TMEM38B: variants seen among roughly 807,000 people sequenced by gnomAD.
TMEM38B encodes the protein trimeric intracellular cation channel type B.
TMEM38B carries 24 observed loss-of-function variants against 28.7 expected under a neutral mutation model. That is an observed-to-expected ratio of 0.84 (90% CI 0.61 to 1.18). The LOEUF (loss-of-function observed/expected upper bound fraction) is 1.18, where lower values mean the gene tolerates loss of function less well. Ranked by LOEUF, TMEM38B falls within the 50% of genes most tolerant of loss-of-function variation. TMEM38B has a pLI of 0.00. For missense variants in TMEM38B, 380 were observed against 350.9 expected (o/e 1.08, Z -0.66); for synonymous variants, 131 against 127.7 (o/e 1.03, Z -0.17).
At chr9:105,710,378 A>G in intron 2 of TMEM38B, 2 of 814,006 alleles carry the variant, frequency 2.5e-6, no homozygotes, top group South Asian at 1.6e-5. Context: ...GTTGTTATGA[A>G]AAGACTGACT....
intron 4 of TMEM38B, among the ~76,000 whole-genome samples, chr9:105,727,948 T>C (rs1836578576): frequency 6.6e-6 from 1 of 152,190 alleles, no homozygotes; most frequent in Admixed American, 6.5e-5. Flanking sequence ...CCTCCCTTTT[T>C]GCCTTCTGCC....
intron 4 of TMEM38B, among the ~76,000 whole-genome samples, chr9:105,734,073 T>G (rs1418018693): frequency 2.0e-5 from 3 of 152,120 alleles, no homozygotes; most frequent in Non-Finnish European, 4.4e-5. Context: ...AATGTAGTTA[T>G]TTATTGCTAT....
chr9:105,739,887 C>CT (rs549791682), intron 4 of TMEM38B, among the ~76,000 whole-genome samples: 4,502 of 150,946 alleles, frequency 0.03, 95 homozygotes, highest in Middle Eastern at 0.063. Flanking sequence ...TCTTTTTAAA[C>CT]TTTTTTTTTG....
intron 1 of TMEM38B, among the ~76,000 whole-genome samples, chr9:105,698,062 C>T (rs986348686): frequency 1.4e-5 from 2 of 144,160 alleles, no homozygotes; most frequent in South Asian, 2.3e-4. Flanking sequence ...GATCATCCCA[C>T]GTGCATAGAC....
chr9:105,702,963 G>A (rs1189643709), intron 1 of TMEM38B: 2 of 151,474 alleles, frequency 1.3e-5, no homozygotes. Context: ...GTGATTGCAG[G>A]TGTGAGCCAC....
intron 5 of TMEM38B, chr9:105,758,479 G>A: frequency 7.6e-7 from 1 of 1,315,772 alleles, no homozygotes; most frequent in Non-Finnish European, 1.1e-6. Flanking sequence ...GCAGTGGATT[G>A]GCTTTATGAC....
intron 1 of TMEM38B, among the ~76,000 whole-genome samples, chr9:105,698,778 G>T (rs570797501): frequency 1.1e-3 from 161 of 152,156 alleles, no homozygotes; most frequent in African/African-American, 3.8e-3. Context: ...GCTTGGAATG[G>T]TTTATTTAAT....
intron 5 of TMEM38B, among the ~76,000 whole-genome samples, chr9:105,773,565 A>G (rs1190273801): frequency 6.6e-6 from 1 of 152,210 alleles, no homozygotes; most frequent in Non-Finnish European, 1.5e-5. Context: ...TGTTAAATGC[A>G]TAGTGATGTT....
intron 5 of TMEM38B, among the ~76,000 whole-genome samples, chr9:105,753,196 G>T (rs568358971): frequency 6.6e-6 from 1 of 152,148 alleles, no homozygotes; most frequent in Non-Finnish European, 1.5e-5. Context: ...TATGATTGGA[G>T]TACTTGAAAG....
intron 2 of TMEM38B, among the ~76,000 whole-genome samples, chr9:105,709,779 T>C (rs1245407792): frequency 6.6e-6 from 1 of 152,216 alleles, no homozygotes; most frequent in South Asian, 2.1e-4. Context: ...AGCCAATGAT[T>C]AAGCAGAAAA....
chr9:105,715,683 T>C (rs1353608137), intron 2 of TMEM38B, among the ~76,000 whole-genome samples: 2 of 152,148 alleles, frequency 1.3e-5, no homozygotes, highest in Non-Finnish European at 2.9e-5. Flanking sequence ...TTCTGGTTTG[T>C]TTTTTATTTT....
chr9:105,769,599 T>A (rs923617735), intron 5 of TMEM38B, among the ~76,000 whole-genome samples: 4 of 152,218 alleles, frequency 2.6e-5, no homozygotes, highest in African/African-American at 9.6e-5. Flanking sequence ...CACATTCTGT[T>A]GATGAGGCTG....
At chr9:105,729,199 A>G (rs1836638351) in intron 4 of TMEM38B, among the ~76,000 whole-genome samples, 1 of 151,900 alleles carries the variant, frequency 6.6e-6, no homozygotes, top group African/African-American at 2.4e-5. Context: ...TCTTCCAGGG[A>G]TTTTATGGTT....
intron 4 of TMEM38B, among the ~76,000 whole-genome samples, chr9:105,741,294 G>C (rs762932400): frequency 6.6e-6 from 1 of 152,196 alleles, no homozygotes; most frequent in Non-Finnish European, 1.5e-5. Flanking sequence ...TTTGGTACAG[G>C]ATATGGTGTG....
chr9:105,768,817 G>GT (rs1239585602), intron 5 of TMEM38B, among the ~76,000 whole-genome samples: 5 of 152,096 alleles, frequency 3.3e-5, no homozygotes, highest in African/African-American at 1.2e-4. Flanking sequence ...CTACCTAGAG[G>GT]TTTGTCAGTT....
intron 2 of TMEM38B, among the ~76,000 whole-genome samples, chr9:105,715,239 T>A (rs1248040491): frequency 1.3e-5 from 2 of 152,180 alleles, no homozygotes; most frequent in Non-Finnish European, 2.9e-5. Flanking sequence ...ACTGTCATTT[T>A]AAATATATTA....
At chr9:105,738,186 A>G (rs1837054355) in intron 4 of TMEM38B, among the ~76,000 whole-genome samples, 1 of 151,866 alleles carries the variant, frequency 6.6e-6, no homozygotes, top group African/African-American at 2.4e-5. Flanking sequence ...GACTCTGAAC[A>G]ATTCCCTCAG....
At chr9:105,770,463 T>G (rs1826508716) in intron 5 of TMEM38B, among the ~76,000 whole-genome samples, 1 of 152,196 alleles carries the variant, frequency 6.6e-6, no homozygotes, top group African/African-American at 2.4e-5. Context: ...AATGTATACA[T>G]TTTATTCATT....
intron 1 of TMEM38B, among the ~76,000 whole-genome samples, chr9:105,703,997 C>T (rs905856580): frequency 6.6e-6 from 1 of 150,936 alleles, no homozygotes; most frequent in East Asian, 1.9e-4. Context: ...AAACCAAACA[C>T]CGCATATTCT....
Sources: gnomAD v4.1 joint callset for allele counts (sites outside exome capture counted in the v4.1 genomes callset) on GRCh38, gnomAD v4.1.1 for gene constraint, MANE v1.5 for transcripts, NCBI Gene and HGNC (gene_info 2026-07-23, HGNC 2026-07-21) for gene names.